Variants in POLR3B observed in about 807,000 individuals in gnomAD.
POLR3B encodes DNA-directed RNA polymerase III subunit RPC2.
A neutral mutation model predicts 147.4 loss-of-function variants in POLR3B; 96 were observed. The observed-to-expected ratio is 0.65, with a 90% CI of 0.55 to 0.77. The LOEUF is 0.77. Ranked by LOEUF, POLR3B falls within the 30% of genes least tolerant of loss-of-function variation. POLR3B has a pLI of 0.00. For synonymous variants in POLR3B, 461 were observed against 485.9 expected, an observed-to-expected ratio of 0.95 and a Z score of 0.67; for missense variants, 1,036 against 1,413.5, an observed-to-expected ratio of 0.73 and a Z score of 4.28.
chr12:106,403,868 G>A (rs1000781755), intron 10 of POLR3B, among the ~76,000 whole-genome samples: 1 of 150,636 alleles, frequency 6.6e-6, no homozygotes, highest in Non-Finnish European at 1.5e-5. Flanking sequence ...GCTAAATGAC[G>A]AGTTAATGGG....
chr12:106,386,584 G>C (rs967243446), intron 9 of POLR3B, among the ~76,000 whole-genome samples: 11 of 151,980 alleles, frequency 7.2e-5, no homozygotes, highest in African/African-American at 2.7e-4. Flanking sequence ...AAAACATTAA[G>C]TACTGTTTTT....
chr12:106,444,665 T>G, intron 19 of POLR3B, 75 bp downstream of exon 19: 2 of 1,476,618 alleles, frequency 1.4e-6, no homozygotes, highest in Non-Finnish European at 1.9e-6. Context: ...TCTTTATTCC[T>G]GCTTCACCAG....
At chr12:106,430,760 G>A (rs2037499907) in intron 14 of POLR3B, among the ~76,000 whole-genome samples, 2 of 152,060 alleles carry the variant, frequency 1.3e-5, no homozygotes, top group South Asian at 4.2e-4. Context: ...TGCACAGAGG[G>A]GATAAGACTG....
intron 5 of POLR3B, 51 bp from the exon 6 acceptor site, chr12:106,369,532 A>T: frequency 8.1e-7 from 1 of 1,237,554 alleles, no homozygotes; most frequent in Non-Finnish European, 1.2e-6. Context: ...AGTGGTCAGG[A>T]CCCTGTTGCA....
At chr12:106,501,110 A>T (rs2038593280) in intron 25 of POLR3B, among the ~76,000 whole-genome samples, 1 of 152,226 alleles carries the variant, frequency 6.6e-6, no homozygotes, top group Non-Finnish European at 1.5e-5. Context: ...ACCTGTTTAA[A>T]TGTCTATTTC....
chr12:106,427,789 T>G (rs759145369), intron 13 of POLR3B, among the ~76,000 whole-genome samples: 42 of 152,320 alleles, frequency 2.8e-4, no homozygotes, highest in South Asian at 6.2e-4. Context: ...ACATAAGCAA[T>G]GAATTCAGTT....
intron 14 of POLR3B, 63 bp downstream of exon 14, chr12:106,430,536 G>C (rs922554780): frequency 7.6e-7 from 1 of 1,310,922 alleles, no homozygotes; most frequent in East Asian, 2.3e-5. Context: ...TGCATGGGGT[G>C]GGGTGGGGAG....
intron 23 of POLR3B, among the ~76,000 whole-genome samples, chr12:106,495,041 A>G (rs2038458785): frequency 6.6e-6 from 1 of 152,232 alleles, no homozygotes; most frequent in South Asian, 2.1e-4. Context: ...AGGGGCAGAT[A>G]GTTAATAACT....
chr12:106,494,765 A>G (rs1445097488), intron 23 of POLR3B, among the ~76,000 whole-genome samples: 2 of 152,230 alleles, frequency 1.3e-5, no homozygotes, highest in African/African-American at 4.8e-5. Context: ...GTAGGAAAGC[A>G]TATATTTATA....
chr12:106,422,297 C>G (rs982830020), intron 12 of POLR3B, among the ~76,000 whole-genome samples: 4 of 152,148 alleles, frequency 2.6e-5, no homozygotes, highest in African/African-American at 7.2e-5. Context: ...TCTTCCTGCT[C>G]TGGCCATATA....
chr12:106,430,511 C>G (rs201521816), intron 14 of POLR3B, 38 bp downstream of exon 14: 5 of 1,527,174 alleles, frequency 3.3e-6, no homozygotes, highest in Non-Finnish European at 4.5e-6. Flanking sequence ...GTGTAAGAGG[C>G]GATACCTATG....
intron 1 of POLR3B, among the ~76,000 whole-genome samples, chr12:106,361,169 T>C (rs1454911141): frequency 1.3e-5 from 2 of 152,102 alleles, no homozygotes; most frequent in Admixed American, 6.5e-5. Context: ...GTGCTGAGCA[T>C]TGAAAGGGAC....
Position 106,357,935 on chromosome 12 carries a change from C to A in POLR3B, c.56C>A (p.Pro19Gln), listed in dbSNP as rs780334764. The A allele has an allele frequency of 6.2e-7, 1 of 1,613,104 alleles. No homozygotes were observed. Among genetic ancestry groups the A allele is most frequent in the Admixed American group, 1.7e-5 (1 of 60,008 alleles). Residue 19 changes from proline to glutamine, a missense_variant, in exon 1 of 28, where the codon CCG becomes CAG. Coordinates refer to ENST00000228347, the MANE Select transcript of POLR3B (RefSeq NM_018082.6). The stretch of plus-strand genomic sequence containing the variant: ...CTGACTCCGGAGCAGCTGGCGGCGC[C>A]GATCCCGACTGTAGAGGTCAGTGCC... ...GNLTPEQLAA[P>Q]IPTVEEKWRL...
chr12:106,507,720 G>A (rs2038711608), intron 27 of POLR3B: 2 of 455,374 alleles, frequency 4.4e-6, no homozygotes, highest in Non-Finnish European at 4.4e-6. Flanking sequence ...GTGAGGGTTA[G>A]TCTTCTCCCA....
At chr12:106,360,777 T>C (rs2036459095) in intron 1 of POLR3B, among the ~76,000 whole-genome samples, 1 of 152,258 alleles carries the variant, frequency 6.6e-6, no homozygotes, top group Non-Finnish European at 1.5e-5. Context: ...GGTGGTGTAT[T>C]ATTCACAGGG....
chr12:106,392,060 C>T (rs1220953112), intron 9 of POLR3B, among the ~76,000 whole-genome samples: 1 of 152,210 alleles, frequency 6.6e-6, no homozygotes, highest in African/African-American at 2.4e-5. Context: ...GGAGTGAGCC[C>T]TAGTACCATA....
intron 2 of POLR3B, 70 bp from the exon 3 acceptor site, chr12:106,366,446 T>G (rs1592999848): frequency 1.1e-6 from 1 of 939,102 alleles, no homozygotes; most frequent in African/African-American, 1.6e-5. Context: ...TATGATCTAT[T>G]ATTTGAGCAT....
chr12:106,408,502 A>T (rs1041475512), intron 11 of POLR3B, among the ~76,000 whole-genome samples: 1 of 152,204 alleles, frequency 6.6e-6, no homozygotes, highest in Non-Finnish European at 1.5e-5. Flanking sequence ...CTGTGTCTTA[A>T]CAAGCCCTCC....
intron 12 of POLR3B, among the ~76,000 whole-genome samples, chr12:106,423,477 G>C (rs866840388): frequency 6.6e-6 from 1 of 152,212 alleles, no homozygotes. Flanking sequence ...AGAAGCTAGC[G>C]GTATAGTTTA....
Sources: allele counts gnomAD v4.1 joint callset (sites outside exome capture counted in the v4.1 genomes callset), GRCh38; gene constraint gnomAD v4.1.1; transcripts MANE v1.5; gene names NCBI Gene and HGNC (gene_info 2026-07-23, HGNC 2026-07-21).